The following TRIM27 variants were observed in gnomAD, a reference collection of about 807,000 sequenced individuals.
The protein encoded by TRIM27 is zinc finger protein RFP.
Under a neutral mutation model 57.6 loss-of-function variants are expected in TRIM27, and 12 were observed. The observed-to-expected ratio is 0.21, with a 90% CI of 0.13 to 0.34. The LOEUF (loss-of-function observed/expected upper bound fraction) is 0.34, where lower values mean the gene tolerates loss of function less well. Ranked by LOEUF, TRIM27 falls within the 10% of genes least tolerant of loss-of-function variation. The probability of loss-of-function intolerance (pLI) is 1.00; values close to 1 mark genes in which losing one functional copy is unlikely to be tolerated. For synonymous variants in TRIM27, 266 were observed against 259.0 expected, an observed-to-expected ratio of 1.03 and a Z score of -0.26; for missense variants, 403 against 656.8, an observed-to-expected ratio of 0.61 and a Z score of 4.22.
intron 1 of TRIM27, 135 bp downstream of exon 1, chr6:28,923,078 G>T: frequency 1.9e-6 from 2 of 1,058,520 alleles, no homozygotes; most frequent in Non-Finnish European, 2.7e-6. Context: ...GCTCTGGAGC[G>T]GACAGAGAGG....
At chr6:28,908,469 G>A (rs1447688690) in intron 6 of TRIM27, 1 of 282,218 alleles carries the variant, frequency 3.5e-6, no homozygotes, top group African/African-American at 2.2e-5. Context: ...AAATTACAAT[G>A]ATAAACACTG....
Position 28,920,081 on chromosome 6 carries a change from G to A in TRIM27, c.678C>T (p.Ile226=). The A allele has an allele frequency of 6.2e-7, 1 of 1,614,230 alleles. No homozygotes were observed. The highest frequency in any genetic ancestry group is 8.5e-7 in the Non-Finnish European group (1 of 1,180,036). The change falls in exon 3 of 8, where the codon ATC becomes ATT. Residue 226 remains isoleucine, a synonymous_variant. Transcript: ENST00000377199. The stretch of plus-strand genomic sequence containing the variant: ...GAGCGATCAGGCTGCTGAGGTGGGA[G>A]ATGTTGCAAGAGAACTGGGTGATGG... The part of the protein sequence containing the change: ...NGAITQFSCN[I]SHLSSLIAQL...
intron 1 of TRIM27, 148 bp downstream of exon 1, chr6:28,923,065 G>A (rs1220970024): frequency 2.1e-6 from 2 of 952,064 alleles, no homozygotes; most frequent in Non-Finnish European, 3.0e-6. Context: ...TCTGAGTGCT[G>A]AGGCTCTGGA....
At chr6:28,915,929 T>G (rs72853523) in intron 3 of TRIM27, among the ~76,000 whole-genome samples, 16,533 of 152,134 alleles carry the variant, frequency 0.11, 996 homozygotes, top group African/African-American at 0.14. Context: ...CATATATATA[T>G]TTTTTGAGAT....
At chr6:28,922,538 C>G (rs769936211) in intron 1 of TRIM27, among the ~76,000 whole-genome samples, 3 of 152,184 alleles carry the variant, frequency 2.0e-5, no homozygotes, top group Admixed American at 2.0e-4. Context: ...ATTCCTGAAG[C>G]CCTCAACGTA....
At chr6:28,916,552 CAA>C (rs141514492) in intron 3 of TRIM27, among the ~76,000 whole-genome samples, 13 of 125,098 alleles carry the variant, frequency 1.0e-4, no homozygotes, top group Admixed American at 2.4e-4. Flanking sequence ...AACTCTGCCT[CAA>C]AAAAAAAAAA....
chr6:28,919,529 TATC>T lies in TRIM27; in HGVS notation c.747+480_747+482del, dbSNP rs573944532. Among the ~76,000 whole-genome samples, 101 of 152,334 alleles carry T rather than the reference TATC, an allele frequency of 6.6e-4. 1 individual carries two copies. Among genetic ancestry groups the T allele is most frequent in the Middle Eastern group, 3.4e-3 (1 of 294 alleles). On this transcript the variant is annotated intron_variant, in intron 3 of 7. Transcript: ENST00000377199. Reference sequence around the variant, plus strand: ...TGCCGGGGTAGGTCTGCTGCAGCTTTATCACCTGCTCTACCAAGGTTAAATCAC... The same window carrying T: ...TGCCGGGGTAGGTCTGCTGCAGCTTTACCTGCTCTACCAAGGTTAAATCAC...
chr6:28,909,131 TGGAG>T, intron 4 of TRIM27, 43 bp from the exon 5 acceptor site: 6 of 1,411,822 alleles, frequency 4.2e-6, no homozygotes, highest in East Asian at 2.3e-5. Context: ...TTTTTTGAGA[TGGAG>T]TTTCGCTTGT....
chr6:28,923,174 C>T (rs1355422066), intron 1 of TRIM27, 39 bp downstream of exon 1: 1 of 1,506,280 alleles, frequency 6.6e-7, no homozygotes, highest in South Asian at 1.3e-5. Flanking sequence ...CTCCCTTTGT[C>T]CGACTCGCGC....
At chr6:28,913,269 A>AAAATATATATATATATAT (rs1554184215) in intron 3 of TRIM27, among the ~76,000 whole-genome samples, 91 of 135,532 alleles carry the variant, frequency 6.7e-4, no homozygotes, top group Non-Finnish European at 1.2e-3. Context: ...AAAAAAAAAA[A>AAAATATATATATATATAT]ATATATATAT....
Position 28,923,688 on chromosome 6 carries a change from A to T in TRIM27, c.-56T>A. 1 of 1,445,940 alleles carries T rather than the reference A, an allele frequency of 6.9e-7. No homozygotes were observed. The highest frequency in any genetic ancestry group is 9.2e-7 in the Non-Finnish European group (1 of 1,091,258). The allele number at this position is 1,445,940 out of a possible 1,614,324, so 89.6% of individuals were successfully genotyped here. A position where few individuals can be genotyped will look rare whatever the true frequency, so the allele number is the denominator to read the frequency against. On this transcript the variant is annotated 5_prime_UTR_variant, in exon 1 of 8. Coordinates refer to ENST00000377199, the MANE Select transcript of TRIM27 (RefSeq NM_006510.5). Reference sequence around the variant, plus strand: ...GGCCCCGGCGCCGAGCTCTGCACTGAGCCCAACTCTCCGGCGCTCTCTCCG... The same window carrying T: ...GGCCCCGGCGCCGAGCTCTGCACTGTGCCCAACTCTCCGGCGCTCTCTCCG...
intron 7 of TRIM27, 48 bp downstream of exon 7, chr6:28,907,188 A>G: frequency 6.4e-7 from 1 of 1,562,922 alleles, no homozygotes; most frequent in Non-Finnish European, 8.7e-7. Flanking sequence ...TAGGTTCACA[A>G]GGATTTTTAC....
intron 3 of TRIM27, among the ~76,000 whole-genome samples, chr6:28,917,811 A>G (rs141044928): frequency 3.4e-3 from 505 of 149,946 alleles, no homozygotes; most frequent in African/African-American, 0.011. Flanking sequence ...TGATCAGTAC[A>G]TGGTTTCTTT....
rs912402029 is a variant in TRIM27, at chr6:28,922,406, T to A, written c.421-419A>T. On this transcript the variant is annotated intron_variant, in intron 1 of 7. Transcript: ENST00000377199. The stretch of plus-strand genomic sequence containing the variant: ...ATGTGTGAAATGGGCAAACACCATC[T>A]TCCCAACCTACTCAAGAGTTCTCAC... Among the ~76,000 whole-genome samples the A allele has an allele frequency of 1.9e-4, 29 of 152,332 alleles. 1 individual carries two copies. The highest frequency in any genetic ancestry group is 1.6e-3 in the Admixed American group (25 of 15,302).
At chr6:28,910,170 G>A (rs1027121568) in intron 4 of TRIM27, among the ~76,000 whole-genome samples, 10 of 148,930 alleles carry the variant, frequency 6.7e-5, no homozygotes, top group African/African-American at 1.2e-4. Context: ...AATGTGATGC[G>A]ACTTATCTCC....
chr6:28,908,851 A>G lies in TRIM27; in HGVS notation c.887-11T>C, dbSNP rs1438947195. The G allele has an allele frequency of 6.2e-7, 1 of 1,613,586 alleles. No homozygotes were observed. The highest frequency in any genetic ancestry group is 2.2e-5 in the East Asian group (1 of 44,864). The stretch of plus-strand genomic sequence containing the variant: ...CTGACTGCATTTTTTCTAAGAAAAG[A>G]AAACAAGAAAATATTCAGTCTGCAT... On this transcript the variant is annotated splice_polypyrimidine_tract_variant and intron_variant, in intron 5 of 7. Transcript: ENST00000377199.
chr6:28,907,698 A>C, intron 6 of TRIM27: 1 of 432,268 alleles, frequency 2.3e-6, no homozygotes, highest in Non-Finnish European at 4.6e-6. Context: ...TTCATTTATA[A>C]GGCACTTTAT....
chr6:28,904,089 G>C lies in TRIM27; in HGVS notation c.1523C>G (p.Ser508Cys). The C allele has an allele frequency of 6.2e-7, 1 of 1,612,930 alleles. No individual in the cohort carries two copies. Residue 508 changes from serine to cysteine, a missense_variant, in exon 8 of 8, where the codon TCC (serine) becomes TGC (cysteine). By Grantham distance (112) the Ser-to-Cys change is moderately radical. Coordinates refer to ENST00000377199, the MANE Select transcript of TRIM27 (RefSeq NM_006510.5). This position sits in a 1 kb window ranked among gnomAD's most constrained non-coding sequence, Gnocchi z 6.1. ...ACCTCCTCAAGGGGAGGTCTCCATG[G>C]AATGACCATGATTCCCAACATGGCC... ...FSGHVGNHGH[S>C]METSP
chr6:28,910,285 CTG>C (rs1446450677), intron 4 of TRIM27, among the ~76,000 whole-genome samples: 3 of 152,070 alleles, frequency 2.0e-5, no homozygotes, highest in African/African-American at 7.2e-5. Context: ...CTGAGGATCA[CTG>C]GAGTTACCAC....
Sources: gnomAD v4.1 joint callset for allele counts (sites outside exome capture counted in the v4.1 genomes callset) on GRCh38, gnomAD v4.1.1 for gene constraint, Gnocchi (gnomAD v3.1) non-coding constraint, MANE v1.5 for transcripts, NCBI Gene and HGNC (gene_info 2026-07-23, HGNC 2026-07-21) for gene names.